Variants in TANC2 observed in about 807,000 individuals in gnomAD.
The protein encoded by TANC2 is tetratricopeptide repeat, ankyrin repeat and coiled-coil containing 2.
TANC2 carries 26 observed loss-of-function variants against 210.5 expected under a neutral mutation model. The ratio of observed to expected loss-of-function variants is 0.12; its 90% CI spans 0.09 to 0.17. The LOEUF is 0.17. TANC2 is among the 10% of genes least tolerant of loss of function. The pLI is 1.00. For missense variants in TANC2, 2,129 were observed against 2,608.9 expected, an observed-to-expected ratio of 0.82 and a Z score of 4.01; for synonymous variants, 931 against 967.1, an observed-to-expected ratio of 0.96 and a Z score of 0.69.
chr17:63,410,466 C>T (rs2048659601), intron 21 of TANC2, among the ~76,000 whole-genome samples: 1 of 151,768 alleles, frequency 6.6e-6, no homozygotes. Flanking sequence ...TGTTTATTTC[C>T]CCCACCTGGG....
chr17:63,284,026 C>G (rs1220056454), intron 9 of TANC2, among the ~76,000 whole-genome samples: 1 of 151,810 alleles, frequency 6.6e-6, no homozygotes, highest in Non-Finnish European at 1.5e-5. Flanking sequence ...AGCGGAAATT[C>G]TTGCTTTTTC....
At chr17:63,057,636 A>G (rs2035853302) in intron 2 of TANC2, among the ~76,000 whole-genome samples, 1 of 151,594 alleles carries the variant, frequency 6.6e-6, no homozygotes, top group Admixed American at 6.6e-5. Flanking sequence ...CTTTGTTTCC[A>G]TGTGTTCTCA....
In TANC2 at chr17:62,966,640, C is replaced by T. The variant is rs866133880; in HGVS notation, c.-133C>T. On this transcript the variant is annotated 5_prime_UTR_variant, in exon 1 of 28. Coordinates refer to ENST00000689528, the Ensembl canonical transcript of TANC2. This position sits in a 1 kb window ranked among gnomAD's most constrained non-coding sequence, Gnocchi z 5.1. ...CTCGCCGCGGGGCGTTGGAGGACTG[C>T]GAGGTGCTCCGGGAATCGCGGGCGG... 1.2e-4 allele frequency among the ~76,000 whole-genome samples: 18 copies of T among 151,838 alleles called. 1 individual carries two copies. Among genetic ancestry groups the T allele is most frequent in the African/African-American group, 2.9e-4 (12 of 41,396 alleles).
intron 3 of TANC2, among the ~76,000 whole-genome samples, chr17:63,080,648 T>C (rs564671524): frequency 1.3e-5 from 2 of 152,344 alleles, no homozygotes; most frequent in Non-Finnish European, 2.9e-5. Flanking sequence ...ATGTAAAATA[T>C]TTAGTAGAAA....
intron 5 of TANC2, among the ~76,000 whole-genome samples, chr17:63,178,365 C>T (rs1335939727): frequency 6.6e-6 from 1 of 152,028 alleles, no homozygotes; most frequent in Non-Finnish European, 1.5e-5. Flanking sequence ...CCTATGGGCG[C>T]ACATAAGCTA....
intron 1 of TANC2, chr17:62,967,058 T>C (rs2031386350): frequency 6.6e-6 from 1 of 152,176 alleles, no homozygotes; most frequent in African/African-American, 2.4e-5. Context: ...TGGCAGGGAA[T>C]GTGGTGCAGA....
At chr17:63,108,818 T>G (rs1292860037) in intron 4 of TANC2, among the ~76,000 whole-genome samples, 1 of 150,792 alleles carries the variant, frequency 6.6e-6, no homozygotes, top group Non-Finnish European at 1.5e-5. Context: ...AAAAAAAATA[T>G]AAATAAATAA....
intron 8 of TANC2, among the ~76,000 whole-genome samples, chr17:63,240,294 A>G (rs2042739611): frequency 6.6e-6 from 1 of 152,220 alleles, no homozygotes; most frequent in African/African-American, 2.4e-5. Context: ...GAAGACAAAG[A>G]AGCTTTGTCT....
chr17:63,313,147 C>G (rs897028549), intron 9 of TANC2, among the ~76,000 whole-genome samples: 2 of 152,170 alleles, frequency 1.3e-5, no homozygotes, highest in Admixed American at 1.3e-4. Flanking sequence ...TCTCCTCTTT[C>G]CATCTCTTTC....
intron 7 of TANC2, among the ~76,000 whole-genome samples, chr17:63,204,321 A>G (rs2041628803): frequency 6.6e-6 from 1 of 152,184 alleles, no homozygotes; most frequent in Admixed American, 6.5e-5. Context: ...ACTGCAAAAC[A>G]TTGCAGAAGA....
intron 1 of TANC2, among the ~76,000 whole-genome samples, chr17:62,994,448 T>C (rs2033015638): frequency 6.6e-6 from 1 of 151,708 alleles, no homozygotes; most frequent in Non-Finnish European, 1.5e-5. Context: ...AGGAGGAAAG[T>C]GTTCAGTTTT....
intron 9 of TANC2, among the ~76,000 whole-genome samples, chr17:63,292,462 GA>G (rs2044410866): frequency 6.6e-6 from 1 of 152,182 alleles, no homozygotes; most frequent in South Asian, 2.1e-4. Context: ...TGATTTAACA[GA>G]AAGTCTTTAG....
At chr17:63,033,192 A>G (rs2034841820) in intron 2 of TANC2, among the ~76,000 whole-genome samples, 1 of 152,106 alleles carries the variant, frequency 6.6e-6, no homozygotes, top group South Asian at 2.1e-4. Context: ...TAGAGTTTTT[A>G]TGGAAGCTTC....
chr17:63,319,540 G>A (rs1243491465), intron 11 of TANC2, among the ~76,000 whole-genome samples: 1 of 152,086 alleles, frequency 6.6e-6, no homozygotes, highest in African/African-American at 2.4e-5. Flanking sequence ...TAGTAGAGAC[G>A]GGGTTTTGCC....
chr17:63,013,661 C>A (rs1278907732), intron 2 of TANC2, among the ~76,000 whole-genome samples: 4 of 150,912 alleles, frequency 2.7e-5, no homozygotes, highest in Non-Finnish European at 5.9e-5. Flanking sequence ...ACTTGGGAAG[C>A]CAAGGCAGGA....
intron 1 of TANC2, among the ~76,000 whole-genome samples, chr17:62,986,295 A>G (rs528069433): frequency 6.6e-6 from 1 of 152,196 alleles, no homozygotes; most frequent in South Asian, 2.1e-4. Context: ...AGCCGGGGAC[A>G]TTACTCTGGC....
At chr17:63,210,766 G>A (rs1460821221) in intron 7 of TANC2, among the ~76,000 whole-genome samples, 2 of 151,986 alleles carry the variant, frequency 1.3e-5, no homozygotes, top group Non-Finnish European at 2.9e-5. Context: ...AATAATCAGG[G>A]CACTGTCTTC....
chr17:63,004,163 T>G (rs918050172), intron 1 of TANC2, among the ~76,000 whole-genome samples: 4 of 152,194 alleles, frequency 2.6e-5, no homozygotes, highest in African/African-American at 9.6e-5. Flanking sequence ...GCCCTGACTT[T>G]CAGGTAGCGA....
intron 2 of TANC2, among the ~76,000 whole-genome samples, chr17:63,058,107 T>C (rs781583903): frequency 9.2e-5 from 14 of 152,198 alleles, no homozygotes; most frequent in Non-Finnish European, 1.8e-4. Context: ...ATTTTTTTAC[T>C]TTTTTAGTAA....
Sources: gnomAD v4.1 joint callset for allele counts (sites outside exome capture counted in the v4.1 genomes callset) on GRCh38, gnomAD v4.1.1 for gene constraint, Gnocchi (gnomAD v3.1) non-coding constraint, MANE v1.5 for transcripts, NCBI Gene and HGNC (gene_info 2026-07-23, HGNC 2026-07-21) for gene names.